The following PTPRD variants were observed in gnomAD, a reference collection of about 807,000 sequenced individuals.
PTPRD encodes the protein protein tyrosine phosphatase receptor type D.
In PTPRD, 34 loss-of-function variants were observed where a neutral mutation model predicts 214.5. That is an observed-to-expected ratio of 0.16 (90% CI 0.12 to 0.21). The LOEUF (loss-of-function observed/expected upper bound fraction) is 0.21. PTPRD is among the 10% of genes least tolerant of loss of function. The probability of loss-of-function intolerance (pLI) is 1.00; values close to 1 mark genes in which losing one functional copy is unlikely to be tolerated. For missense variants in PTPRD, 2,545 were observed against 2,398.7 expected, an observed-to-expected ratio of 1.06 and a Z score of -1.27; for synonymous variants, 1,128 against 845.7, an observed-to-expected ratio of 1.33 and a Z score of -5.79.
rs534503085 is a variant in PTPRD at position 8,331,485 on chromosome 9, T to C, written c.5534+97A>G. ...AAGTTTTGTAATACATTGCCAAGAA[T>C]AAAATTTCAAATAAGCAAACTTACT... On this transcript the variant is annotated intron_variant, in intron 44 of 45. Transcript: ENST00000381196. 30 of 1,407,794 alleles carry C rather than the reference T, an allele frequency of 2.1e-5. No individual in the cohort carries two copies. The African/African-American group carries it at 2.6e-4, about 12-fold the overall frequency. 87.2% of individuals were successfully genotyped at this position (1,407,794 alleles called of 1,614,324 possible).
intron 9 of PTPRD, among the ~76,000 whole-genome samples, chr9:9,346,144 T>C (rs1167206876): frequency 6.6e-6 from 1 of 152,120 alleles, no homozygotes; most frequent in Non-Finnish European, 1.5e-5. Context: ...AAATATTAAG[T>C]GCAGAATATA....
intron 14 of PTPRD, among the ~76,000 whole-genome samples, chr9:8,533,911 C>G (rs2076302930): frequency 6.6e-6 from 1 of 151,990 alleles, no homozygotes; most frequent in African/African-American, 2.4e-5. Context: ...CTCACTGAAA[C>G]AGTCATTCTT....
At chr9:9,403,277 G>A (rs1482951899) in intron 8 of PTPRD, among the ~76,000 whole-genome samples, 7 of 82,772 alleles carry the variant, frequency 8.5e-5, no homozygotes, top group African/African-American at 3.2e-4. Flanking sequence ...GGCGACAGAG[G>A]AATACTCTGT....
At chr9:9,405,515 T>C (rs1321237439) in intron 8 of PTPRD, among the ~76,000 whole-genome samples, 2 of 152,096 alleles carry the variant, frequency 1.3e-5, no homozygotes, top group Non-Finnish European at 2.9e-5. Flanking sequence ...ATGGGAAACA[T>C]TCTGCTCTGG....
At chr9:8,564,130 A>G (rs1009039924) in intron 14 of PTPRD, among the ~76,000 whole-genome samples, 2 of 149,048 alleles carry the variant, frequency 1.3e-5, no homozygotes, top group Non-Finnish European at 3.0e-5. Flanking sequence ...AGTCAGCCAC[A>G]TGATCTGGAG....
chr9:9,509,705 A>G (rs933460260), intron 8 of PTPRD, among the ~76,000 whole-genome samples: 1 of 151,542 alleles, frequency 6.6e-6, no homozygotes, highest in African/African-American at 2.4e-5. Flanking sequence ...TGTGGCAGTG[A>G]TTGGCTTTCT....
intron 4 of PTPRD, among the ~76,000 whole-genome samples, chr9:10,028,702 C>T (rs149930823): frequency 3.0e-3 from 454 of 152,116 alleles, no homozygotes; most frequent in African/African-American, 0.01. Flanking sequence ...GGCTATCTGG[C>T]GGAAGAAATT....
chr9:9,565,699 T>C (rs2084299424), intron 8 of PTPRD, among the ~76,000 whole-genome samples: 1 of 151,972 alleles, frequency 6.6e-6, no homozygotes, highest in African/African-American at 2.4e-5. Flanking sequence ...CCTTAACATA[T>C]TCCCAGAAAC....
intron 8 of PTPRD, among the ~76,000 whole-genome samples, chr9:9,556,514 T>A (rs2154288501): frequency 6.6e-6 from 1 of 152,358 alleles, no homozygotes; most frequent in African/African-American, 2.4e-5. Flanking sequence ...TTCCTAGAAG[T>A]CTATCAATTG....
intron 20 of PTPRD, 85 bp downstream of exon 20, chr9:8,521,192 G>C (rs1038443898): frequency 1.5e-5 from 21 of 1,433,900 alleles, no homozygotes; most frequent in African/African-American, 1.4e-5. Flanking sequence ...AATTATTTTA[G>C]ATTTTCAAGG....
intron 6 of PTPRD, among the ~76,000 whole-genome samples, chr9:9,738,284 A>T (rs1241235615): frequency 6.6e-6 from 1 of 152,044 alleles, no homozygotes; most frequent in Non-Finnish European, 1.5e-5. Flanking sequence ...AACAACAAAA[A>T]ATCATAGCTA....
chr9:8,316,037 T>G lies in PTPRD; in HGVS notation c.*1837A>C, dbSNP rs1215163875. On this transcript the variant is annotated 3_prime_UTR_variant, in exon 46 of 46. Transcript: ENST00000381196. ...ATGATATTTGTTACTAAAATAAGTT[T>G]GGTGCAGTTACTGCATGTTCCAGAG... The G allele has an allele frequency of 4.4e-6, 1 of 228,422 alleles. No homozygotes were observed. The highest frequency in any genetic ancestry group is 5.7e-5 in the Admixed American group (1 of 17,596). The allele number at this position is 228,422 out of a possible 1,614,324, so 14.1% of individuals were successfully genotyped here. A position where few individuals can be genotyped will look rare whatever the true frequency, so the allele number is the denominator to read the frequency against.
chr9:10,141,382 T>G (rs1173796593), intron 3 of PTPRD, among the ~76,000 whole-genome samples: 1 of 152,158 alleles, frequency 6.6e-6, no homozygotes, highest in Non-Finnish European at 1.5e-5. Context: ...CTCCTTAAGC[T>G]GATAAGCAAC....
chr9:10,368,708 A>C (rs1485909521), intron 2 of PTPRD, among the ~76,000 whole-genome samples: 2 of 152,124 alleles, frequency 1.3e-5, no homozygotes, highest in Admixed American at 6.6e-5. Context: ...GATCAAGTCT[A>C]GCATAATCTT....
intron 11 of PTPRD, among the ~76,000 whole-genome samples, chr9:8,809,183 G>A (rs2096750521): frequency 6.6e-6 from 1 of 152,024 alleles, no homozygotes. Flanking sequence ...ACAAAAGCTT[G>A]AAAATACTAG....
chr9:9,680,247 A>C (rs2154396917), intron 7 of PTPRD, among the ~76,000 whole-genome samples: 1 of 151,986 alleles, frequency 6.6e-6, no homozygotes, highest in Middle Eastern at 3.4e-3. Flanking sequence ...ATCTACAAGA[A>C]GATAAGTACA....
intron 5 of PTPRD, among the ~76,000 whole-genome samples, chr9:9,878,088 C>A (rs2067446405): frequency 1.3e-5 from 2 of 151,890 alleles, no homozygotes; most frequent in African/African-American, 4.8e-5. Flanking sequence ...AGGACCCTGC[C>A]AACTGTGGTA....
At chr9:9,881,453 T>C (rs1001745315) in intron 5 of PTPRD, among the ~76,000 whole-genome samples, 3 of 152,148 alleles carry the variant, frequency 2.0e-5, no homozygotes, top group African/African-American at 2.4e-5. Flanking sequence ...TGAGTCTAAG[T>C]TTACCAGGGC....
At chr9:10,386,625 C>T (rs2097918345) in intron 2 of PTPRD, among the ~76,000 whole-genome samples, 1 of 149,080 alleles carries the variant, frequency 6.7e-6, no homozygotes, top group African/African-American at 2.5e-5. Context: ...ATTTTGCTGC[C>T]TTTTAGAAAT....
Sources: gnomAD v4.1 joint callset for allele counts (sites outside exome capture counted in the v4.1 genomes callset) on GRCh38, gnomAD v4.1.1 for gene constraint, MANE v1.5 for transcripts, NCBI Gene and HGNC (gene_info 2026-07-23, HGNC 2026-07-21) for gene names.